The following CLIP1 variants were observed in gnomAD, a reference collection of about 807,000 sequenced individuals.
The protein encoded by CLIP1 is CAP-Gly domain containing linker protein 1, also known as CAP-Gly domain-containing linker protein 1.
CLIP1 carries 66 observed loss-of-function variants against 161.6 expected under a neutral mutation model. The ratio of observed to expected loss-of-function variants is 0.41; its 90% CI spans 0.33 to 0.50. The LOEUF is 0.50. Ranked by LOEUF, CLIP1 falls within the 20% of genes least tolerant of loss-of-function variation. CLIP1 has a pLI of 0.27. For missense variants in CLIP1, 1,376 were observed against 1,702.0 expected, an observed-to-expected ratio of 0.81 and a Z score of 3.37; for synonymous variants, 598 against 626.2, an observed-to-expected ratio of 0.96 and a Z score of 0.67.
chr12:122,291,918 T>C (rs941666392), intron 20 of CLIP1, among the ~76,000 whole-genome samples: 1 of 152,228 alleles, frequency 6.6e-6, no homozygotes, highest in African/African-American at 2.4e-5. Flanking sequence ...CATATGATGA[T>C]TGTATGACTC....
At chr12:122,397,319 T>A (rs1181378018) in intron 1 of CLIP1, among the ~76,000 whole-genome samples, 2 of 104,716 alleles carry the variant, frequency 1.9e-5, no homozygotes, top group Non-Finnish European at 5.0e-5. Flanking sequence ...GATGGAAGAG[T>A]TCAGGCGTGT....
intron 2 of CLIP1, among the ~76,000 whole-genome samples, chr12:122,379,147 A>C (rs1954884440): frequency 6.6e-6 from 1 of 151,548 alleles, no homozygotes; most frequent in Non-Finnish European, 1.5e-5. Context: ...CAAAACCAAA[A>C]AAAAACAAAA....
intron 1 of CLIP1, among the ~76,000 whole-genome samples, chr12:122,402,308 T>G (rs1194957551): frequency 6.6e-6 from 1 of 152,130 alleles, no homozygotes; most frequent in Non-Finnish European, 1.5e-5. Context: ...AGCAACATAG[T>G]GAGACTCCAT....
chr12:122,304,015 G>A (rs772750182), intron 20 of CLIP1, among the ~76,000 whole-genome samples: 5 of 152,270 alleles, frequency 3.3e-5, no homozygotes, highest in Non-Finnish European at 5.9e-5. Context: ...TGCCTACTGC[G>A]GACTTATTAT....
intron 20 of CLIP1, among the ~76,000 whole-genome samples, chr12:122,303,834 C>T (rs1486968132): frequency 2.6e-5 from 4 of 152,168 alleles, no homozygotes. Flanking sequence ...AAGCCCTTTG[C>T]ATTTCCCTGC....
chr12:122,399,926 G>C (rs960073618), intron 1 of CLIP1: 2 of 152,200 alleles, frequency 1.3e-5, no homozygotes, highest in African/African-American at 4.8e-5. Flanking sequence ...TTCTGAGGCT[G>C]ATTTTTCAAG....
At position 122,415,869 on chromosome 12, in the gene CLIP1, CG is replaced by C. The variant is rs1380339647; in HGVS notation, c.-107+6651del. Among the ~76,000 whole-genome samples the C allele has an allele frequency of 2.6e-5, 4 of 151,954 alleles. No homozygotes were observed. In the East Asian group the frequency reaches 7.7e-4, roughly 29 times the overall value. On this transcript the variant is annotated intron_variant, in intron 1 of 25. Transcript: ENST00000620786. ...TATAAAACTTTAAGACTAAAAAGGACGGCTTTGTTACAAGGTGCGCAATTCC... is the reference window on the plus strand; with the variant it reads ...TATAAAACTTTAAGACTAAAAAGGACGCTTTGTTACAAGGTGCGCAATTCC...
At chr12:122,404,530 G>A (rs1460397393) in intron 1 of CLIP1, among the ~76,000 whole-genome samples, 2 of 151,980 alleles carry the variant, frequency 1.3e-5, no homozygotes, top group East Asian at 1.9e-4. Flanking sequence ...ACCCGGGGAG[G>A]TGGAGGTTGC....
rs891093960 is a variant in CLIP1 at position 122,311,666 on chromosome 12, G to A, written c.3474-1784C>T. On this transcript the variant is annotated intron_variant, in intron 19 of 25. Transcript: ENST00000620786. The surrounding 1 kb of genome is among the most constrained non-coding windows in gnomAD (Gnocchi z 4.3). ...TCTGGATCTCTTGACCTCGTGATCTGCCCGCCTCGGCCTCCCAAAGTGCTG... is the reference window on the plus strand; with the variant it reads ...TCTGGATCTCTTGACCTCGTGATCTACCCGCCTCGGCCTCCCAAAGTGCTG... Among the ~76,000 whole-genome samples the A allele has an allele frequency of 6.6e-6, 1 of 151,864 alleles. No individual in the cohort carries two copies. The highest frequency in any genetic ancestry group is 6.6e-5 in the Admixed American group (1 of 15,242).
intron 11 of CLIP1, among the ~76,000 whole-genome samples, chr12:122,340,382 C>A (rs1469761405): frequency 6.6e-6 from 1 of 152,214 alleles, no homozygotes; most frequent in East Asian, 1.9e-4. Flanking sequence ...CCTGGCCGAT[C>A]TTTTGAGTTT....
In CLIP1 at chr12:122,417,509, C is replaced by G. The variant is rs1197126769; in HGVS notation, c.-107+5012G>C. Among the ~76,000 whole-genome samples the G allele has an allele frequency of 1.4e-4, 11 of 78,138 alleles. No homozygotes were observed. In the East Asian group the frequency reaches 4.4e-3, roughly 31 times the overall value. 51.3% of individuals were successfully genotyped at this position (78,138 alleles called of 152,430 possible). A position where few individuals can be genotyped will look rare whatever the true frequency, so the allele number is the denominator to read the frequency against. ...TTTAAAAAGGCATAAAATTATTCTG[C>G]CTTTTTTTTTTTTTTTTTTTTGAAA... On this transcript the variant is annotated intron_variant, in intron 1 of 25. Transcript: ENST00000620786.
At chr12:122,408,790 CAAT>C (rs1956420313) in intron 1 of CLIP1, among the ~76,000 whole-genome samples, 1 of 152,010 alleles carries the variant, frequency 6.6e-6, no homozygotes, top group Non-Finnish European at 1.5e-5. Flanking sequence ...TCTATTTTCA[CAAT>C]ACTACAGGGC....
chr12:122,356,899 CGAG>C (rs1047252451), intron 5 of CLIP1, among the ~76,000 whole-genome samples: 7 of 152,246 alleles, frequency 4.6e-5, no homozygotes, highest in African/African-American at 1.7e-4. Context: ...CTCGGCCTCC[CGAG>C]GTGCCGAGAT....
Position 122,330,597 on chromosome 12 carries a change from GT to G in CLIP1, c.2868-2172del, listed in dbSNP as rs71082966. 1.4e-3 allele frequency among the ~76,000 whole-genome samples: 145 copies of G among 101,372 alleles called. 1 individual carries two copies. The East Asian group carries it at 0.031, about 22-fold the overall frequency. 66.5% of individuals were successfully genotyped at this position (101,372 alleles called of 152,430 possible). A position where few individuals can be genotyped will look rare whatever the true frequency, so the allele number is the denominator to read the frequency against. ...TTCAGCACTGAAGAAGTATAATGCA[GT>G]TTTTTTTTTTTTTTTTTTTGAGATG... On this transcript the variant is annotated intron_variant, in intron 15 of 25. Transcript: ENST00000620786.
chr12:122,357,327 GC>G (rs1167451200), intron 5 of CLIP1, among the ~76,000 whole-genome samples: 1 of 149,580 alleles, frequency 6.7e-6, no homozygotes, highest in African/African-American at 2.5e-5. Context: ...CTGCCCGGCC[GC>G]CCCGTCTGAG....
intron 3 of CLIP1, among the ~76,000 whole-genome samples, chr12:122,368,494 T>A (rs192351079): frequency 3.3e-5 from 5 of 152,318 alleles, no homozygotes; most frequent in Admixed American, 3.3e-4. Context: ...TATCCAGTTC[T>A]CGGCAAGCCA....
chr12:122,422,614 G>C lies in CLIP1; in HGVS notation c.-200C>G, dbSNP rs1334667310. On this transcript the variant is annotated 5_prime_UTR_variant, in exon 1 of 26. Coordinates refer to ENST00000620786, the MANE Select transcript of CLIP1 (RefSeq NM_001247997.2). ...TCCCGCCTCCCGGCTCGTCGGCTCG[G>C]GGCGGGGGAGAGCGTGACGCGCCGC... 1 of 147,952 alleles carries C rather than the reference G, an allele frequency of 6.8e-6. No individual in the cohort carries two copies. 9.2% of individuals were successfully genotyped at this position (147,952 alleles called of 1,614,324 possible).
chr12:122,333,861 G>C (rs1952095717), intron 14 of CLIP1, among the ~76,000 whole-genome samples, 166 bp downstream of exon 14: 1 of 152,212 alleles, frequency 6.6e-6, no homozygotes, highest in Non-Finnish European at 1.5e-5. Flanking sequence ...AGGACTTGCT[G>C]GAGGTTACAG....
chr12:122,372,719 G>C (rs1954517869), intron 3 of CLIP1, among the ~76,000 whole-genome samples: 1 of 152,122 alleles, frequency 6.6e-6, no homozygotes, highest in Non-Finnish European at 1.5e-5. Flanking sequence ...GCCAAAAGGG[G>C]CTTTTAACTA....
Sources: allele counts gnomAD v4.1 joint callset (sites outside exome capture counted in the v4.1 genomes callset), GRCh38; gene constraint gnomAD v4.1.1; non-coding constraint Gnocchi (gnomAD v3.1); transcripts MANE v1.5; gene names NCBI Gene and HGNC (gene_info 2026-07-23, HGNC 2026-07-21).